PRDM16: variants seen among roughly 807,000 people sequenced by gnomAD.
PRDM16 encodes PR/SET domain 16.
PRDM16 carries 23 observed loss-of-function variants against 110.6 expected under a neutral mutation model. That is an observed-to-expected ratio of 0.21 (90% CI 0.15 to 0.29). PRDM16 has a LOEUF of 0.29. PRDM16 is among the 10% of genes least tolerant of loss of function. PRDM16 has a pLI of 1.00. For missense variants in PRDM16, 1,615 were observed against 1,794.3 expected (o/e 0.90, Z 1.81); for synonymous variants, 799 against 781.8 (o/e 1.02, Z -0.37).
chr1:3,102,087 C>T (rs181676546), intron 1 of PRDM16, among the ~76,000 whole-genome samples: 123 of 152,340 alleles, frequency 8.1e-4, no homozygotes, highest in Non-Finnish European at 1.6e-3. Context: ...GAGGATGCCC[C>T]GGCCACAGCT....
At chr1:3,097,556 ATTC>A (rs148377291) in intron 1 of PRDM16, among the ~76,000 whole-genome samples, 16,831 of 152,158 alleles carry the variant, frequency 0.11, 1,173 homozygotes, top group South Asian at 0.19. Context: ...TTAAAAATGA[ATTC>A]TTCTCCACTC....
In PRDM16 at chr1:3,419,169, T is replaced by C. The variant is rs1352788029; in HGVS notation, c.2939+425T>C. ...ATAGCTGCCCCCACACCCCCACTTC[T>C]GGTGGGCCAGGGAGTGGGCCAAAGG... On this transcript the variant is annotated intron_variant, in intron 12 of 16. Coordinates refer to ENST00000270722, the MANE Select transcript of PRDM16 (RefSeq NM_022114.4). Among the ~76,000 whole-genome samples the C allele has an allele frequency of 2.0e-5, 3 of 152,310 alleles. No homozygotes were observed. The East Asian group carries it at 5.8e-4, about 29-fold the overall frequency.
chr1:3,239,719 C>T (rs1639617464), intron 2 of PRDM16, among the ~76,000 whole-genome samples: 1 of 152,154 alleles, frequency 6.6e-6, no homozygotes, highest in Non-Finnish European at 1.5e-5. Context: ...GAGGCCAAGG[C>T]AGGAGAATTG....
At position 3,148,027 on chromosome 1, in the gene PRDM16, A is replaced by G. The variant is rs1223384246; in HGVS notation, c.38-38098A>G. Reference sequence around the variant, plus strand: ...AACCCCATCCTGCTGCTCACCTGCAACTTGGGAATACCGAGATGCATTCAG... The same window carrying G: ...AACCCCATCCTGCTGCTCACCTGCAGCTTGGGAATACCGAGATGCATTCAG... On this transcript the variant is annotated intron_variant, in intron 1 of 16. Transcript: ENST00000270722. This position sits in a 1 kb window ranked among gnomAD's most constrained non-coding sequence, Gnocchi z 5.0. Among the ~76,000 whole-genome samples the G allele has an allele frequency of 1.5e-5, 2 of 135,396 alleles. No individual in the cohort carries two copies. Among genetic ancestry groups the G allele is most frequent in the African/African-American group, 3.4e-5 (1 of 29,670 alleles). The allele number at this position is 135,396 out of a possible 152,430, so 88.8% of individuals were successfully genotyped here. A position where few individuals can be genotyped will look rare whatever the true frequency, so the allele number is the denominator to read the frequency against.
At chr1:3,402,713 C>T (rs1643493273) in intron 5 of PRDM16, 78 bp from the exon 6 acceptor site, 3 of 1,317,520 alleles carry the variant, frequency 2.3e-6, no homozygotes, top group Non-Finnish European at 3.2e-6. Flanking sequence ...GGTGAGGGGG[C>T]CAGGTCTCCA....
intron 1 of PRDM16, among the ~76,000 whole-genome samples, chr1:3,070,012 G>A (rs968536076): frequency 2.7e-4 from 41 of 152,052 alleles, no homozygotes; most frequent in South Asian, 1.9e-3. Flanking sequence ...CGTGGTGGAG[G>A]GCGCTCCTCT....
chr1:3,327,472 T>C (rs1271609019), intron 3 of PRDM16, among the ~76,000 whole-genome samples: 1 of 147,622 alleles, frequency 6.8e-6, no homozygotes, highest in African/African-American at 2.5e-5. Flanking sequence ...TCAACGCTCA[T>C]CCCACGGTCA....
chr1:3,077,244 T>C (rs1410656073), intron 1 of PRDM16, among the ~76,000 whole-genome samples: 10 of 152,162 alleles, frequency 6.6e-5, no homozygotes, highest in African/African-American at 2.4e-4. Context: ...CCCTGCCCCC[T>C]GACACAAGCT....
At chr1:3,120,856 C>G (rs1643078791) in intron 1 of PRDM16, among the ~76,000 whole-genome samples, 1 of 152,212 alleles carries the variant, frequency 6.6e-6, no homozygotes, top group African/African-American at 2.4e-5. Context: ...AAGCCCCTTT[C>G]CGCTTCTGCA....
At position 3,188,842 on chromosome 1, in the gene PRDM16, G is replaced by A. The variant is rs533452042; in HGVS notation, c.387+2368G>A. Among the ~76,000 whole-genome samples the A allele has an allele frequency of 1.8e-4, 27 of 152,306 alleles. No homozygotes were observed. In the East Asian group the frequency reaches 3.7e-3, roughly 21 times the overall value. On this transcript the variant is annotated intron_variant, in intron 2 of 16. Coordinates refer to ENST00000270722, the MANE Select transcript of PRDM16 (RefSeq NM_022114.4). ...GAAGGAGAGAGAGGAGGAAGCAGGG[G>A]GCGGGAATTAAGTGGCAGCCACCTC...
chr1:3,310,640 C>T (rs981185879), intron 3 of PRDM16, among the ~76,000 whole-genome samples: 1 of 152,228 alleles, frequency 6.6e-6, no homozygotes, highest in Non-Finnish European at 1.5e-5. Flanking sequence ...AAGCACGTCT[C>T]AACCAGGGCC....
At chr1:3,226,572 T>C (rs1209005679) in intron 2 of PRDM16, among the ~76,000 whole-genome samples, 1 of 152,030 alleles carries the variant, frequency 6.6e-6, no homozygotes, top group Non-Finnish European at 1.5e-5. Flanking sequence ...TACTCTTGAG[T>C]TGGATTGTGA....
chr1:3,114,157 ACACACACGCACACACACGCACACACACG>A (rs1642862113), intron 1 of PRDM16, among the ~76,000 whole-genome samples: 4 of 113,478 alleles, frequency 3.5e-5, no homozygotes, highest in African/African-American at 9.5e-5. Flanking sequence ...ACACACGCAC[ACACACACGCACACACACGCACACACACG>A]CACACACGCA....
At chr1:3,257,708 C>T (rs552065514) in intron 3 of PRDM16, among the ~76,000 whole-genome samples, 1 of 152,292 alleles carries the variant, frequency 6.6e-6, no homozygotes, top group South Asian at 2.1e-4. Context: ...TCAACAAATA[C>T]GCCTGCCTTG....
Position 3,148,668 on chromosome 1 carries a change from G to A in PRDM16, c.38-37457G>A, listed in dbSNP as rs1034334392. Among the ~76,000 whole-genome samples, 3 of 152,174 alleles carry A rather than the reference G, an allele frequency of 2.0e-5. No individual in the cohort carries two copies. The highest frequency in any genetic ancestry group is 7.2e-5 in the African/African-American group (3 of 41,464). ...GACTTGTCCTGGCCGAGCCAGCCCA[G>A]TCCTTCTGGAAGTCCAGTTTGTGTC... On this transcript the variant is annotated intron_variant, in intron 1 of 16. Coordinates refer to ENST00000270722, the MANE Select transcript of PRDM16 (RefSeq NM_022114.4). The surrounding 1 kb of genome is among the most constrained non-coding windows in gnomAD (Gnocchi z 5.0).
intron 3 of PRDM16, chr1:3,307,361 G>T (rs565725306): frequency 6.6e-6 from 1 of 152,206 alleles, no homozygotes; most frequent in East Asian, 1.9e-4. Flanking sequence ...GCTGTGTTTT[G>T]GTCTCCTTCG....
At chr1:3,124,955 T>C (rs2817172) in intron 1 of PRDM16, among the ~76,000 whole-genome samples, 79,900 of 152,144 alleles carry the variant, frequency 0.53, 23,516 homozygotes, top group African/African-American at 0.81. Flanking sequence ...GTGGCCCCTG[T>C]GTGTCCTGGG....
At chr1:3,200,519 T>C (rs997885835) in intron 2 of PRDM16, among the ~76,000 whole-genome samples, 5 of 152,148 alleles carry the variant, frequency 3.3e-5, no homozygotes, top group African/African-American at 4.8e-5. Context: ...ATTTTTTGTA[T>C]TTTTAGTAGA....
At chr1:3,203,798 C>T (rs1022417258) in intron 2 of PRDM16, among the ~76,000 whole-genome samples, 5 of 152,154 alleles carry the variant, frequency 3.3e-5, no homozygotes, top group African/African-American at 9.7e-5. Flanking sequence ...CAACTCAGGC[C>T]GCGTTCTCAG....
Sources: gnomAD v4.1 joint callset for allele counts (sites outside exome capture counted in the v4.1 genomes callset) on GRCh38, gnomAD v4.1.1 for gene constraint, Gnocchi (gnomAD v3.1) non-coding constraint, MANE v1.5 for transcripts, NCBI Gene and HGNC (gene_info 2026-07-23, HGNC 2026-07-21) for gene names.